CFI: variants seen among roughly 807,000 people sequenced by gnomAD.
CFI encodes complement factor I, also known as C3B/C4B inactivator.
CFI carries 66 observed loss-of-function variants against 78.8 expected under a neutral mutation model. That is an observed-to-expected ratio of 0.84 (90% confidence interval 0.69 to 1.03). The LOEUF is 1.03. CFI is among the 50% of genes least tolerant of loss of function. CFI has a pLI of 0.00. For missense variants in CFI, 706 were observed against 704.5 expected, an observed-to-expected ratio of 1.00 and a Z score of -0.02; for synonymous variants, 250 against 232.6, an observed-to-expected ratio of 1.07 and a Z score of -0.68.
intron 1 of CFI, among the ~76,000 whole-genome samples, chr4:109,767,896 T>C (rs1371591703): frequency 2.6e-5 from 4 of 152,028 alleles, no homozygotes; most frequent in Non-Finnish European, 5.9e-5. Flanking sequence ...TGTCCATCAA[T>C]GATAGACCAG....
chr4:109,776,766 C>T (rs1333418511), intron 1 of CFI, among the ~76,000 whole-genome samples: 4 of 152,220 alleles, frequency 2.6e-5, no homozygotes, highest in Admixed American at 1.3e-4. Context: ...AGACTAACAG[C>T]GGATCTCTCC....
rs186910554 is a variant in CFI at position 109,778,904 on chromosome 4, C to G, written c.58-12080G>C. ...AACTACATGATTATCTCAATAGATG[C>G]AGAAAAGGCCTTCGACAAAATTCAA... On this transcript the variant is annotated intron_variant, in intron 1 of 12. Transcript: ENST00000394634. Among the ~76,000 whole-genome samples, 335 of 152,286 alleles carry G rather than the reference C, an allele frequency of 2.2e-3. 1 individual carries two copies. The highest frequency in any genetic ancestry group is 7.4e-3 in the African/African-American group (309 of 41,570).
chr4:109,765,815 G>A (rs1390143904), intron 2 of CFI, among the ~76,000 whole-genome samples: 1 of 152,074 alleles, frequency 6.6e-6, no homozygotes, highest in Non-Finnish European at 1.5e-5. Context: ...GGGGACGGCT[G>A]TTGAAAGAAA....
At chr4:109,760,036 T>C (rs1275505227) in intron 6 of CFI, 3 of 667,134 alleles carry the variant, frequency 4.5e-6, no homozygotes, top group Non-Finnish European at 8.2e-6. Flanking sequence ...AATGGTCTAT[T>C]TTTTGTATGT....
rs1486838526 is a variant in CFI at position 109,764,627 on chromosome 4, A to C, written c.392T>G (p.Leu131Arg). ...GAACATTGTCTTATCTTGGTCCACA[A>C]GTTTTACTTCAACTATTCCCTCTGA... Reference protein sequence around the residue: ...TDSEGIVEVKLVDQDKTMFIC... With the variant: ...TDSEGIVEVKRVDQDKTMFIC... The change falls in exon 3 of 13, where the codon CTT (leucine) becomes CGT (arginine). Residue 131 changes from leucine (L) to arginine (R), a missense_variant. Transcript: ENST00000394634. The C allele has an allele frequency of 3.1e-6, 5 of 1,613,976 alleles. No individual in the cohort carries two copies. Among genetic ancestry groups the C allele is most frequent in the Non-Finnish European group, 3.4e-6 (4 of 1,180,004 alleles).
At chr4:109,733,530 G>A in the CFI span, among the ~76,000 whole-genome samples, 1 of 152,226 alleles carries the variant, frequency 6.6e-6, no homozygotes, top group South Asian at 2.1e-4. Context: ...AGTAATCTAG[G>A]TATGGCATAA....
At chr4:109,760,890 G>A (rs900164649) in intron 4 of CFI, among the ~76,000 whole-genome samples, 1 of 152,178 alleles carries the variant, frequency 6.6e-6, no homozygotes. Flanking sequence ...GAGATGGGGA[G>A]GAATCAAGAG....
At chr4:109,774,331 T>A (rs954964239) in intron 1 of CFI, among the ~76,000 whole-genome samples, 1 of 152,070 alleles carries the variant, frequency 6.6e-6, no homozygotes, top group South Asian at 2.1e-4. Flanking sequence ...AGGGGAGAAT[T>A]GCTGTTTTTA....
At position 109,740,883 on chromosome 4, in the gene CFI, G is replaced by C; in HGVS notation, c.*10C>G. The stretch of plus-strand genomic sequence containing the variant: ...AGAAAAAGAATAGAATGAAGAGAGA[G>C]ATCACAATTTTATACATTGTACTGA... On this transcript the variant is annotated 3_prime_UTR_variant, in exon 13 of 13. Coordinates refer to ENST00000394634, the MANE Select transcript of CFI (RefSeq NM_000204.5). 6.2e-7 allele frequency: 1 copy of C among 1,600,030 alleles called. No individual in the cohort carries two copies. Among genetic ancestry groups the C allele is most frequent in the East Asian group, 2.2e-5 (1 of 44,820 alleles).
At chr4:109,759,962 TAAGC>T (rs1349032953) in intron 6 of CFI, among the ~76,000 whole-genome samples, 1 of 151,906 alleles carries the variant, frequency 6.6e-6, no homozygotes, top group African/African-American at 2.4e-5. Flanking sequence ...GGAAGAGAGA[TAAGC>T]AAGATTGGCA....
At position 109,761,692 on chromosome 4, in the gene CFI, T is replaced by C. The variant is rs1274923528; in HGVS notation, c.483A>G (p.Gln161=). 6.2e-7 allele frequency: 1 copy of C among 1,608,526 alleles called. No homozygotes were observed. The highest frequency in any genetic ancestry group is 1.3e-5 in the African/African-American group (1 of 74,936). ...TAAACCTTCTTTGAGTATCAGCACCTCTGCAAATAGAATAAAGGAAACATT... is the reference window on the plus strand; with the variant it reads ...TAAACCTTCTTTGAGTATCAGCACCCCTGCAAATAGAATAAAGGAAACATT... The part of the protein sequence containing the change: ...NVACLDLGFQ[Q]GADTQRRFKL... The change falls in exon 4 of 13, where the codon CAA becomes CAG. Residue 161 remains glutamine, a splice_region_variant and synonymous_variant. Transcript: ENST00000394634.
rs1308386684 is a variant in CFI, at chr4:109,740,989, T to C, written c.1656A>G (p.Lys552=). 7 of 1,614,008 alleles carry C rather than the reference T, an allele frequency of 4.3e-6. No individual in the cohort carries two copies. The highest frequency in any genetic ancestry group is 1.3e-5 in the African/African-American group (1 of 74,908). The part of the protein sequence containing the change: ...GVVSWGENCG[K]PEFPGVYTKV... ...TGGTGTAAACACCTGGGAACTCTGG[T>C]TTTCCACAGTTTTCCCCCCAACTCA... The change falls in exon 13 of 13, where the codon AAA becomes AAG. Residue 552 remains lysine, a synonymous_variant. Coordinates refer to ENST00000394634, the MANE Select transcript of CFI (RefSeq NM_000204.5).
intron 1 of CFI, among the ~76,000 whole-genome samples, chr4:109,777,708 C>T (rs181586917): frequency 0.011 from 1,649 of 152,292 alleles, 21 homozygotes; most frequent in African/African-American, 0.038. Context: ...CACACTTATT[C>T]CAAAACTGAC....
intron 1 of CFI, among the ~76,000 whole-genome samples, chr4:109,785,743 A>T (rs1730658326): frequency 6.6e-6 from 1 of 152,034 alleles, no homozygotes; most frequent in Non-Finnish European, 1.5e-5. Context: ...GAGGTAATTA[A>T]ATCATGGGGG....
chr4:109,744,708 T>C (rs1724206207), intron 11 of CFI, among the ~76,000 whole-genome samples: 1 of 152,122 alleles, frequency 6.6e-6, no homozygotes, highest in Non-Finnish European at 1.5e-5. Flanking sequence ...ACCCCCTACG[T>C]ATATCTTTGT....
chr4:109,744,538 C>CTTCA (rs1724183875), intron 11 of CFI, among the ~76,000 whole-genome samples: 1 of 152,086 alleles, frequency 6.6e-6, no homozygotes, highest in African/African-American at 2.4e-5. Context: ...TGGCTATACC[C>CTTCA]TTCAGCTCAA....
At chr4:109,749,071 C>T in intron 10 of CFI, 147 bp downstream of exon 10, 8 of 813,924 alleles carry the variant, frequency 9.8e-6, no homozygotes, top group Admixed American at 1.8e-5. Context: ...TCTGGAATTC[C>T]AGTCGCGAAT....
chr4:109,741,225 T>C, intron 12 of CFI, 115 bp from the exon 13 acceptor site: 1 of 1,560,684 alleles, frequency 6.4e-7, no homozygotes. Context: ...CTGACAGCAA[T>C]AGCATGGGCT....
chr4:109,797,597 C>T (rs1732220876), intron 1 of CFI, among the ~76,000 whole-genome samples: 2 of 152,252 alleles, frequency 1.3e-5, no homozygotes, highest in Admixed American at 6.5e-5. Flanking sequence ...AGCTAAAAAC[C>T]TTCTGCACAG....
Sources: gnomAD v4.1 joint callset for allele counts (sites outside exome capture counted in the v4.1 genomes callset) on GRCh38, gnomAD v4.1.1 for gene constraint, MANE v1.5 for transcripts, NCBI Gene and HGNC (gene_info 2026-07-23, HGNC 2026-07-21) for gene names.